MTMR8: variants seen among roughly 807,000 people sequenced by gnomAD.
The protein encoded by MTMR8 is myotubularin related protein 8.
Under a neutral mutation model 39.3 loss-of-function variants are expected in MTMR8, and 65 were observed. The ratio of observed to expected loss-of-function variants is 1.65; its 90% CI spans 1.35 to 2.03. The LOEUF (loss-of-function observed/expected upper bound fraction) is 2.03. Among genes scored for constraint, MTMR8 ranks in the 30% most tolerant of loss-of-function variants. MTMR8 has a pLI of 0.00. For missense variants in MTMR8, 777 were observed against 538.9 expected (o/e 1.44, Z -4.37); for synonymous variants, 245 against 185.2 (o/e 1.32, Z -2.62).
At chrX:64,335,945 T>C in intron 10 of MTMR8, 134 bp downstream of exon 10, 2 of 433,433 alleles carry the variant, frequency 4.6e-6, no homozygotes, top group African/African-American at 2.5e-5. Context: ...AGAATACTTG[T>C]TTCTTGATGA....
In MTMR8 at chrX:64,354,947, G is replaced by C; in HGVS notation, c.311-13C>G. Reference sequence around the variant, plus strand: ...TCTTCAGGTAATGCTGGAGAAGAGAGATAGGCATGGAAAACAAAATGATGA... The same window carrying C: ...TCTTCAGGTAATGCTGGAGAAGAGACATAGGCATGGAAAACAAAATGATGA... On this transcript the variant is annotated splice_polypyrimidine_tract_variant and intron_variant, in intron 3 of 13. Coordinates refer to ENST00000374852, the MANE Select transcript of MTMR8 (RefSeq NM_017677.4). The C allele has an allele frequency of 8.6e-7, 1 of 1,157,010 alleles. No homozygotes were observed. Among genetic ancestry groups the C allele is most frequent in the Non-Finnish European group, 1.2e-6 (1 of 865,065 alleles).
chrX:64,269,935 T>C (rs1276614862), intron 13 of MTMR8, among the ~76,000 whole-genome samples: 3 of 111,439 alleles, frequency 2.7e-5, no homozygotes, highest in Non-Finnish European at 5.7e-5. Context: ...TCTGGGTATA[T>C]GTGAAATGAA....
intron 12 of MTMR8, among the ~76,000 whole-genome samples, chrX:64,289,808 T>G (rs1215383357): frequency 9.0e-6 from 1 of 110,814 alleles, no homozygotes; most frequent in East Asian, 2.8e-4. Flanking sequence ...TAAATATTAT[T>G]CAGCCTTAAA....
chrX:64,344,903 G>A, intron 7 of MTMR8, 142 bp downstream of exon 7: 1 of 554,289 alleles, frequency 1.8e-6, no homozygotes, highest in Non-Finnish European at 2.8e-6. Context: ...AGCTAGATTT[G>A]TACAATAGTT....
At chrX:64,356,407 G>C (rs1923627406) in intron 2 of MTMR8, 69 bp from the exon 3 acceptor site, 9 of 987,628 alleles carry the variant, frequency 9.1e-6, no homozygotes, top group Middle Eastern at 2.7e-4. Flanking sequence ...CAGTATTCCT[G>C]ACTCTCCGTA....
At chrX:64,296,924 G>A (rs1921622521) in intron 12 of MTMR8, among the ~76,000 whole-genome samples, 1 of 103,091 alleles carries the variant, frequency 9.7e-6, no homozygotes, top group African/African-American at 3.6e-5. Flanking sequence ...CATTTTTTAT[G>A]GCTGCATAAT....
chrX:64,296,839 T>A (rs1009162989), intron 12 of MTMR8, among the ~76,000 whole-genome samples: 14 of 101,734 alleles, frequency 1.4e-4, no homozygotes, highest in Non-Finnish European at 2.6e-4. Context: ...TGTTTGGTTT[T>A]TTGTTCTTGC....
At chrX:64,274,720 C>G (rs1931833915) in intron 12 of MTMR8, among the ~76,000 whole-genome samples, 1 of 112,061 alleles carries the variant, frequency 8.9e-6, no homozygotes, top group Admixed American at 9.5e-5. Flanking sequence ...GAATACTATT[C>G]TACCTTAAAG....
intron 12 of MTMR8, chrX:64,305,440 C>T (rs1922076715): frequency 3.5e-6 from 1 of 285,265 alleles, no homozygotes; most frequent in Non-Finnish European, 6.4e-6. Flanking sequence ...TGATTACCTG[C>T]AGTGATGTTA....
rs185319982 is a variant in MTMR8 at position 64,283,916 on chromosome X, C to T, written c.1482-12843G>A. Among the ~76,000 whole-genome samples the T allele has an allele frequency of 8.9e-5, 10 of 112,229 alleles. No homozygotes were observed. The East Asian group carries it at 2.2e-3, about 25-fold the overall frequency. On this transcript the variant is annotated intron_variant, in intron 12 of 13. Coordinates refer to ENST00000374852, the MANE Select transcript of MTMR8 (RefSeq NM_017677.4). ...ACTGAAAATTCTAAAAATCAGAGCG[C>T]CTCTCCTTCTCCAAAGGAACGCAGC...
chrX:64,307,421 C>T (rs148585444), intron 12 of MTMR8, among the ~76,000 whole-genome samples: 36 of 111,541 alleles, frequency 3.2e-4, no homozygotes, highest in Admixed American at 7.7e-4. Context: ...TAATTTTGAG[C>T]GGAGAGGGCA....
At chrX:64,383,583 G>A (rs1006019001) in intron 1 of MTMR8, among the ~76,000 whole-genome samples, 1 of 110,033 alleles carries the variant, frequency 9.1e-6, no homozygotes, top group Admixed American at 9.8e-5. Context: ...ATGGTGGAAG[G>A]TGAAGAGGGA....
intron 8 of MTMR8, 67 bp from the exon 9 acceptor site, chrX:64,337,460 GC>G: frequency 3.6e-6 from 4 of 1,117,190 alleles, no homozygotes; most frequent in Middle Eastern, 2.4e-4. Flanking sequence ...TTAAAGAGTT[GC>G]CAAATACTGT....
chrX:64,271,076 C>A lies in MTMR8; in HGVS notation c.1482-3G>T, dbSNP rs1422783553. 8.5e-7 allele frequency: 1 copy of A among 1,180,677 alleles called. No homozygotes were observed. Among genetic ancestry groups the A allele is most frequent in the Admixed American group, 2.5e-5 (1 of 40,421 alleles). ...GGTTATACATCCCACACCAGAACCTCAAATAGACAAAAATGGGGGGAAAAG... is the reference window on the plus strand; with the variant it reads ...GGTTATACATCCCACACCAGAACCTAAAATAGACAAAAATGGGGGGAAAAG... On this transcript the variant is annotated splice_polypyrimidine_tract_variant and splice_region_variant and intron_variant, in intron 12 of 13. Coordinates refer to ENST00000374852, the MANE Select transcript of MTMR8 (RefSeq NM_017677.4).
At chrX:64,334,459 G>T (rs1440687265) in intron 10 of MTMR8, among the ~76,000 whole-genome samples, 1 of 106,218 alleles carries the variant, frequency 9.4e-6, no homozygotes, top group Non-Finnish European at 1.9e-5. Context: ...TCTTCTACAT[G>T]CTGTCAGAGG....
At chrX:64,324,473 A>G (rs1457018013) in intron 12 of MTMR8, among the ~76,000 whole-genome samples, 5 of 110,116 alleles carry the variant, frequency 4.5e-5, no homozygotes, top group African/African-American at 1.7e-4. Flanking sequence ...GCTTGAGGCC[A>G]GGAGTTCAAG....
At chrX:64,313,786 G>A (rs1003053493) in intron 12 of MTMR8, among the ~76,000 whole-genome samples, 6 of 112,380 alleles carry the variant, frequency 5.3e-5, no homozygotes, top group Non-Finnish European at 1.1e-4. Flanking sequence ...TTCTAGTTCT[G>A]TGATTTCAGC....
At chrX:64,377,446 T>G (rs923686198) in intron 1 of MTMR8, among the ~76,000 whole-genome samples, 3 of 112,760 alleles carry the variant, frequency 2.7e-5, no homozygotes, top group African/African-American at 6.4e-5. Context: ...TGCATCACTG[T>G]GGCCTGGATG....
At position 64,327,143 on chromosome X, in the gene MTMR8, A is replaced by T. The variant is rs182200209; in HGVS notation, c.1481+1629T>A. ...ACTAGGCAACAATTTTTTGGCTATGACTCTAAAAGCACAGGTAACAAAAGC... is the reference window on the plus strand; with the variant it reads ...ACTAGGCAACAATTTTTTGGCTATGTCTCTAAAAGCACAGGTAACAAAAGC... On this transcript the variant is annotated intron_variant, in intron 12 of 13. Transcript: ENST00000374852. Among the ~76,000 whole-genome samples, 5 of 111,792 alleles carry T rather than the reference A, an allele frequency of 4.5e-5. No homozygotes were observed. The East Asian group carries it at 1.4e-3, about 31-fold the overall frequency.
Sources: gnomAD v4.1 joint callset for allele counts (sites outside exome capture counted in the v4.1 genomes callset) on GRCh38, gnomAD v4.1.1 for gene constraint, MANE v1.5 for transcripts, NCBI Gene and HGNC (gene_info 2026-07-23, HGNC 2026-07-21) for gene names.